Variants in RORA observed in about 807,000 individuals in gnomAD.
RORA encodes the protein RAR related orphan receptor A, also known as nuclear receptor ROR-alpha.
Under a neutral mutation model 69.5 loss-of-function variants are expected in RORA, and 7 were observed. The observed-to-expected ratio is 0.10, with a 90% confidence interval of 0.06 to 0.19. The LOEUF is 0.19. Ranked by LOEUF, RORA falls within the 10% of genes least tolerant of loss-of-function variation. RORA has a pLI of 1.00. For missense variants in RORA, 457 were observed against 663.0 expected, an observed-to-expected ratio of 0.69 and a Z score of 3.41; for synonymous variants, 261 against 240.8, an observed-to-expected ratio of 1.08 and a Z score of -0.78.
chr15:60,591,429 A>T (rs1340645710), intron 2 of RORA, among the ~76,000 whole-genome samples: 1 of 152,170 alleles, frequency 6.6e-6, no homozygotes. Context: ...CTTTCCCATC[A>T]GAAAGTTCCC....
At chr15:60,685,269 G>A (rs2070724611) in intron 1 of RORA, among the ~76,000 whole-genome samples, 1 of 152,138 alleles carries the variant, frequency 6.6e-6, no homozygotes, top group Admixed American at 6.5e-5. Flanking sequence ...TGCTGCAAAG[G>A]CTGTGGTCTC....
intron 2 of RORA, among the ~76,000 whole-genome samples, chr15:60,590,862 C>A (rs1440643653): frequency 6.6e-6 from 1 of 152,156 alleles, no homozygotes; most frequent in Non-Finnish European, 1.5e-5. Flanking sequence ...AATCCCATTC[C>A]CCTCAAGCCA....
chr15:61,064,704 C>T (rs528807164), intron 1 of RORA, among the ~76,000 whole-genome samples: 36 of 152,236 alleles, frequency 2.4e-4, no homozygotes, highest in African/African-American at 8.2e-4. Context: ...GGTTGCAGGA[C>T]CAGCATTACA....
intron 1 of RORA, among the ~76,000 whole-genome samples, chr15:60,869,287 A>G (rs2073525908): frequency 1.3e-5 from 2 of 152,188 alleles, no homozygotes; most frequent in South Asian, 4.1e-4. Flanking sequence ...TAGAGGGCAC[A>G]GGCTGATTTC....
chr15:60,613,694 ATCTGTGTGTGTGTG>A (rs1180034374), intron 2 of RORA, among the ~76,000 whole-genome samples: 1 of 119,076 alleles, frequency 8.4e-6, no homozygotes, highest in South Asian at 3.6e-4. Context: ...TCAATTTGAT[ATCTGTGTGTGTGTG>A]TGTGTGTGTG....
chr15:61,089,465 C>T (rs1432947297), intron 1 of RORA, among the ~76,000 whole-genome samples: 1 of 152,134 alleles, frequency 6.6e-6, no homozygotes, highest in South Asian at 2.1e-4. Flanking sequence ...CATATATATA[C>T]ACAGAAAATG....
At chr15:61,099,399 A>T (rs2140743728) in intron 1 of RORA, among the ~76,000 whole-genome samples, 1 of 152,214 alleles carries the variant, frequency 6.6e-6, no homozygotes, top group African/African-American at 2.4e-5. Context: ...TCCCCCACTA[A>T]ATCCCCAGTG....
rs368747966 is a variant in RORA, at chr15:60,503,777, G to A, written c.943-110C>T. On this transcript the variant is annotated intron_variant, in intron 6 of 10. Coordinates refer to ENST00000335670, the MANE Select transcript of RORA (RefSeq NM_134261.3). ...TGCCACTGCTTTAGCCCTGGGCCAC[G>A]AAGAGTGGCAAAGTGGGATCTTATT... 19 of 1,273,330 alleles carry A rather than the reference G, an allele frequency of 1.5e-5. No individual in the cohort carries two copies. The South Asian group carries it at 2.2e-4, about 15-fold the overall frequency. 78.9% of individuals were successfully genotyped at this position (1,273,330 alleles called of 1,614,324 possible). A position where few individuals can be genotyped will look rare whatever the true frequency, so the allele number is the denominator to read the frequency against.
At chr15:61,080,367 AC>A (rs2078521522) in intron 1 of RORA, among the ~76,000 whole-genome samples, 1 of 151,862 alleles carries the variant, frequency 6.6e-6, no homozygotes, top group Non-Finnish European at 1.5e-5. Flanking sequence ...TCTTGCCTAT[AC>A]CCCCTGCCAG....
chr15:61,160,060 T>A (rs1045750386), intron 1 of RORA, among the ~76,000 whole-genome samples: 2 of 152,114 alleles, frequency 1.3e-5, no homozygotes, highest in Admixed American at 6.6e-5. Context: ...AAAACAGGAA[T>A]GCAAATAAAC....
At chr15:61,079,055 C>T (rs1036194222) in intron 1 of RORA, among the ~76,000 whole-genome samples, 11 of 152,116 alleles carry the variant, frequency 7.2e-5, no homozygotes, top group African/African-American at 2.7e-4. Flanking sequence ...TCCCACTCTG[C>T]CTTCTTAGCT....
intron 1 of RORA, among the ~76,000 whole-genome samples, chr15:60,933,828 AAGC>A (rs770761626): frequency 1.3e-5 from 2 of 152,188 alleles, no homozygotes; most frequent in Non-Finnish European, 2.9e-5. Context: ...ATATGGGAAA[AAGC>A]AGAGGCACTG....
intron 1 of RORA, 111 bp from the exon 2 acceptor site, chr15:60,678,797 G>T: frequency 1.1e-6 from 1 of 875,428 alleles, no homozygotes; most frequent in Non-Finnish European, 1.9e-6. Flanking sequence ...ATGGGGAAGT[G>T]GAAGCAAGAC....
intron 2 of RORA, chr15:60,592,444 G>T: frequency 7.1e-7 from 1 of 1,417,108 alleles, no homozygotes. Flanking sequence ...AGAGCGCAGG[G>T]AGAGCGGATG....
In RORA at chr15:60,511,601, A is replaced by C. The variant is rs779106677; in HGVS notation, c.445T>G (p.Ser149Ala). The C allele has an allele frequency of 6.2e-7, 1 of 1,605,454 alleles. No individual in the cohort carries two copies. The highest frequency in any genetic ancestry group is 1.7e-5 in the Admixed American group (1 of 58,818). ...TACAAGCTGTCTCTCTGCTTTTTTG[A>C]CATTCGGCCAAATTTTACAGCTGGA... ...SRDAVKFGRM[S>A]KKQRDSLYAE... The change falls in exon 5 of 11, where the codon TCA (serine) becomes GCA (alanine). Residue 149 changes from serine to alanine, a missense_variant. Coordinates refer to ENST00000335670, the MANE Select transcript of RORA (RefSeq NM_134261.3). The surrounding 1 kb of genome is among the most constrained non-coding windows in gnomAD (Gnocchi z 6.4).
intron 2 of RORA, among the ~76,000 whole-genome samples, chr15:60,548,674 G>A (rs1408055259): frequency 6.6e-6 from 1 of 152,102 alleles, no homozygotes; most frequent in Non-Finnish European, 1.5e-5. Flanking sequence ...GTCTCGCTCT[G>A]TTCCCCAGGC....
At position 60,968,054 on chromosome 15, in the gene RORA, C is replaced by A. The variant is rs1268765180; in HGVS notation, c.166+260999G>T. ...GAACATCACGGCCAGTCCCTCAATT[C>A]ATTCGATAAGCATCAACTTAAGCAC... On this transcript the variant is annotated intron_variant, in intron 1 of 10. Coordinates refer to ENST00000335670, the MANE Select transcript of RORA (RefSeq NM_134261.3). Among the ~76,000 whole-genome samples, 3 of 152,208 alleles carry A rather than the reference C, an allele frequency of 2.0e-5. No homozygotes were observed. In the East Asian group the frequency reaches 5.8e-4, roughly 29 times the overall value.
At chr15:60,989,339 G>A (rs1470452392) in intron 1 of RORA, among the ~76,000 whole-genome samples, 1 of 152,136 alleles carries the variant, frequency 6.6e-6, no homozygotes, top group Admixed American at 6.5e-5. Flanking sequence ...TTTGTGTATG[G>A]TCTTTCTTTT....
chr15:61,164,476 TG>T (rs983732553), intron 1 of RORA, among the ~76,000 whole-genome samples: 7 of 152,318 alleles, frequency 4.6e-5, no homozygotes, highest in African/African-American at 1.7e-4. Flanking sequence ...ATGCAACCAT[TG>T]CCGTATACAG....
Sources: allele counts gnomAD v4.1 joint callset (sites outside exome capture counted in the v4.1 genomes callset), GRCh38; gene constraint gnomAD v4.1.1; non-coding constraint Gnocchi (gnomAD v3.1); transcripts MANE v1.5; gene names NCBI Gene and HGNC (gene_info 2026-07-23, HGNC 2026-07-21).